Variants in BAG5 observed in about 807,000 individuals in gnomAD.
BAG5 encodes the protein BAG cochaperone 5, also known as BAG family molecular chaperone regulator 5.
Under a neutral mutation model 31.8 loss-of-function variants are expected in BAG5, and 25 were observed. That is an observed-to-expected ratio of 0.79 (90% CI 0.57 to 1.10). BAG5 has a LOEUF of 1.10. BAG5 is among the 50% of genes least tolerant of loss of function. The pLI, the probability that BAG5 is intolerant of heterozygous loss-of-function variation, is 0.00. For synonymous variants in BAG5, 208 were observed against 205.0 expected, an observed-to-expected ratio of 1.01 and a Z score of -0.13; for missense variants, 491 against 527.9, an observed-to-expected ratio of 0.93 and a Z score of 0.68.
chr14:103,562,255 G>A, intron 1 of BAG5: 1 of 505,356 alleles, frequency 2.0e-6, no homozygotes. Context: ...AGCCGGTGAA[G>A]GGGCCGCTAC....
At chr14:103,562,153 A>G (rs1421782425) in intron 1 of BAG5, 4 of 645,488 alleles carry the variant, frequency 6.2e-6, no homozygotes, top group Non-Finnish European at 1.1e-5. Flanking sequence ...TGAGGTGGCG[A>G]GGTGGAAGAT....
At position 103,559,895 on chromosome 14, in the gene BAG5, T is replaced by G; in HGVS notation, c.1270A>C (p.Arg424=). The G allele has an allele frequency of 1.9e-6, 3 of 1,614,236 alleles. No individual in the cohort carries two copies. Among genetic ancestry groups the G allele is most frequent in the Non-Finnish European group, 2.5e-6 (3 of 1,180,048 alleles). The stretch of plus-strand genomic sequence containing the variant: ...TGCGCAAGCCTCACAGCTTGTTTCC[T>G]GGCAGCCTTACACTTCTCTTCTCCC... The part of the protein sequence containing the change: ...PQGEEKCKAA[R]KQAVRLAQNI... Residue 424 remains arginine, a synonymous_variant, in exon 2 of 2, where the codon AGG becomes CGG. Transcript: ENST00000299204.
intron 1 of BAG5, chr14:103,561,879 A>C: frequency 1.3e-6 from 2 of 1,516,036 alleles, no homozygotes. Context: ...CAACCCGCGA[A>C]AACGTGGTAA....
In BAG5 at chr14:103,560,374, G is replaced by C. The variant is rs766951129; in HGVS notation, c.791C>G (p.Thr264Arg). The change falls in exon 2 of 2, where the codon ACA becomes AGA. Residue 264 changes from threonine (T) to arginine (R), a missense_variant. Coordinates refer to ENST00000299204, the MANE Select transcript of BAG5 (RefSeq NM_001015048.3). ...KYLDLEEEAD[T>R]TKAFDLRQNH... Reference sequence around the variant, plus strand: ...CTGTCTCAGGTCAAATGCTTTAGTTGTGTCTGCTTCCTCTTCCAAATCCAG... The same window carrying C: ...CTGTCTCAGGTCAAATGCTTTAGTTCTGTCTGCTTCCTCTTCCAAATCCAG... 2.5e-6 allele frequency: 4 copies of C among 1,614,086 alleles called. No homozygotes were observed. Among genetic ancestry groups the C allele is most frequent in the Non-Finnish European group, 3.4e-6 (4 of 1,180,018 alleles).
chr14:103,558,459 C>T lies in BAG5; in HGVS notation c.*1362G>A, dbSNP rs755337749. 14 of 152,170 alleles carry T rather than the reference C, an allele frequency of 9.2e-5. No homozygotes were observed. The highest frequency in any genetic ancestry group is 1.9e-4 in the Non-Finnish European group (13 of 68,040). 9.4% of individuals were successfully genotyped at this position (152,170 alleles called of 1,614,324 possible). On this transcript the variant is annotated 3_prime_UTR_variant, in exon 2 of 2. Coordinates refer to ENST00000299204, the MANE Select transcript of BAG5 (RefSeq NM_001015048.3). ...CAGGATGACCAGGCAAAAGGTGACC[C>T]GGGGGAGGAGTCTGTTATAACACTC...
intron 1 of BAG5, chr14:103,562,099 C>A: frequency 1.2e-6 from 1 of 868,948 alleles, no homozygotes; most frequent in Non-Finnish European, 2.0e-6. Flanking sequence ...TGGCCCTTTA[C>A]CCAAAAGAAG....
intron 1 of BAG5, chr14:103,561,824 A>C: frequency 3.0e-6 from 3 of 989,842 alleles, no homozygotes; most frequent in South Asian, 1.4e-5. Flanking sequence ...TTCGAGGCCC[A>C]ACACCTCCTC....
At position 103,559,781 on chromosome 14, in the gene BAG5, T is replaced by C. The variant is rs2142260592; in HGVS notation, c.*40A>G. 6.3e-7 allele frequency: 1 copy of C among 1,585,602 alleles called. No individual in the cohort carries two copies. The highest frequency in any genetic ancestry group is 8.6e-7 in the Non-Finnish European group (1 of 1,164,162). On this transcript the variant is annotated 3_prime_UTR_variant, in exon 2 of 2. Transcript: ENST00000299204. ...AGCTCTCTATACATAGAAGCACATA[T>C]GAAGTGCAAAACAGTATCAAAAGTG...
Position 103,560,058 on chromosome 14 carries a change from G to A in BAG5, c.1107C>T (p.Val369=), listed in dbSNP as rs1274270731. The A allele has an allele frequency of 1.9e-6, 3 of 1,614,178 alleles. No individual in the cohort carries two copies. The highest frequency in any genetic ancestry group is 2.5e-6 in the Non-Finnish European group (3 of 1,180,034). ...ACEEHPSHKA[V]WNVLGNLSEI... ...CAGACAAGTTTCCAAGGACGTTCCA[G>A]ACGGCTTTATGGGATGGGTGCTCCT... The change falls in exon 2 of 2, where the codon GTC becomes GTT. Residue 369 remains valine (V), a synonymous_variant. Transcript: ENST00000299204.
chr14:103,560,736 G>T lies in BAG5; in HGVS notation c.429C>A (p.Ile143=). ...RLTHVKTGGK[I]SLRKARYHTL... ...TGTGATACCTTGCTTTCCGCAAGGAGATTTTTCCTCCAGTTTTAACATGTG... is the reference window on the plus strand; with the variant it reads ...TGTGATACCTTGCTTTCCGCAAGGATATTTTTCCTCCAGTTTTAACATGTG... Residue 143 remains isoleucine, a synonymous_variant, in exon 2 of 2, where the codon ATC becomes ATA. Coordinates refer to ENST00000299204, the MANE Select transcript of BAG5 (RefSeq NM_001015048.3). 1 of 1,614,114 alleles carries T rather than the reference G, an allele frequency of 6.2e-7. No individual in the cohort carries two copies. Among genetic ancestry groups the T allele is most frequent in the Non-Finnish European group, 8.5e-7 (1 of 1,180,032 alleles).
In BAG5 at chr14:103,562,090, G is replaced by A; in HGVS notation, c.-29+526C>T. The A allele has an allele frequency of 4.3e-6, 4 of 927,858 alleles. No homozygotes were observed. The South Asian group carries it at 5.2e-5, about 12-fold the overall frequency. 57.5% of individuals were successfully genotyped at this position (927,858 alleles called of 1,614,324 possible). On this transcript the variant is annotated intron_variant, in intron 1 of 1. Transcript: ENST00000299204. Reference sequence around the variant, plus strand: ...CCTCCCCGCCTCGCCCTTCCCTCTTGGCCCTTTACCCAAAAGAAGTCTGAA... The same window carrying A: ...CCTCCCCGCCTCGCCCTTCCCTCTTAGCCCTTTACCCAAAAGAAGTCTGAA...
chr14:103,560,676 G>A lies in BAG5; in HGVS notation c.489C>T (p.Ile163=), dbSNP rs375755201. 4.3e-6 allele frequency: 7 copies of A among 1,613,998 alleles called. No individual in the cohort carries two copies. The highest frequency in any genetic ancestry group is 1.7e-5 in the Admixed American group (1 of 59,992). ...AAGGCTGCTTTTTCATGCAGTCTTC[G>A]ATTATCTCTTGCACCGCACAGATTT... is the stretch of plus-strand genomic sequence containing the variant. ...LTKICAVQEI[I]EDCMKKQPSL... The change falls in exon 2 of 2, where the codon ATC becomes ATT. Residue 163 remains isoleucine, a synonymous_variant. Coordinates refer to ENST00000299204, the MANE Select transcript of BAG5 (RefSeq NM_001015048.3).
chr14:103,561,581 G>A (rs189346403), intron 1 of BAG5, among the ~76,000 whole-genome samples: 1 of 152,256 alleles, frequency 6.6e-6, no homozygotes, highest in Admixed American at 6.5e-5. Context: ...ACACAGCTAT[G>A]CCTAGTTTCC....
chr14:103,561,942 G>A lies in BAG5; in HGVS notation c.-29+674C>T, dbSNP rs1357849808. The A allele has an allele frequency of 3.1e-6, 5 of 1,613,356 alleles. No homozygotes were observed. The Admixed American group carries it at 8.3e-5, about 27-fold the overall frequency. ...CACTGGGAGTCCACAATGGCCTAAT[G>A]CACGTTTCAAGCTCTTGGTTTCTAT... On this transcript the variant is annotated intron_variant, in intron 1 of 1. Transcript: ENST00000299204.
At chr14:103,562,242 G>A (rs1199090008) in intron 1 of BAG5, 5 of 530,102 alleles carry the variant, frequency 9.4e-6, no homozygotes, top group Non-Finnish European at 1.7e-5. Flanking sequence ...GTCTGAGCGG[G>A]GCAGCCGGTG....
rs1463157875 is a variant in BAG5, at chr14:103,559,175, G to C, written c.*646C>G. 3 of 152,030 alleles carry C rather than the reference G, an allele frequency of 2.0e-5. No individual in the cohort carries two copies. The highest frequency in any genetic ancestry group is 2.9e-5 in the Non-Finnish European group (2 of 68,004). 9.4% of individuals were successfully genotyped at this position (152,030 alleles called of 1,614,324 possible). A position where few individuals can be genotyped will look rare whatever the true frequency, so the allele number is the denominator to read the frequency against. On this transcript the variant is annotated 3_prime_UTR_variant, in exon 2 of 2. Transcript: ENST00000299204. ...AATCTCAAAGGTTTTTTGGCTATTA[G>C]TTTTCATAATTTTCTTATGTTGCAC...
chr14:103,558,087 T>A lies in BAG5; in HGVS notation c.*1734A>T, dbSNP rs2076048812. 6.6e-6 allele frequency: 1 copy of A among 152,188 alleles called. No individual in the cohort carries two copies. The highest frequency in any genetic ancestry group is 1.5e-5 in the Non-Finnish European group (1 of 68,026). The allele number at this position is 152,188 out of a possible 1,614,324, so 9.4% of individuals were successfully genotyped here. A position where few individuals can be genotyped will look rare whatever the true frequency, so the allele number is the denominator to read the frequency against. On this transcript the variant is annotated 3_prime_UTR_variant, in exon 2 of 2. Coordinates refer to ENST00000299204, the MANE Select transcript of BAG5 (RefSeq NM_001015048.3). ...TCCTACAACTACTGTGGCCAAAACG[T>A]GGATTCCAATGACCTGCCTTGAGCC...
At chr14:103,561,362 G>C (rs913410941) in intron 1 of BAG5, among the ~76,000 whole-genome samples, 170 bp from the exon 2 acceptor site, 9 of 152,148 alleles carry the variant, frequency 5.9e-5, no homozygotes, top group Non-Finnish European at 8.8e-5. Flanking sequence ...ACTACGCCCA[G>C]CTAATGTTAT....
At chr14:103,562,562 G>C (rs2076088110) in intron 1 of BAG5, 54 bp downstream of exon 1, 1 of 159,478 alleles carries the variant, frequency 6.3e-6, no homozygotes, top group South Asian at 2.0e-4. Context: ...CGGAGGTGGT[G>C]CCCCACTCGT....
Sources: gnomAD v4.1 joint callset for allele counts (sites outside exome capture counted in the v4.1 genomes callset) on GRCh38, gnomAD v4.1.1 for gene constraint, MANE v1.5 for transcripts, NCBI Gene and HGNC (gene_info 2026-07-23, HGNC 2026-07-21) for gene names.